Variants in TSPAN18 observed in about 807,000 individuals in gnomAD.
TSPAN18 encodes tetraspanin-18.
TSPAN18 carries 14 observed loss-of-function variants against 27.3 expected under a neutral mutation model. The ratio of observed to expected loss-of-function variants is 0.51; its 90% CI spans 0.34 to 0.80. The LOEUF is 0.80. Ranked by LOEUF, TSPAN18 falls within the 30% of genes least tolerant of loss-of-function variation. TSPAN18 has a pLI of 0.01. For missense variants in TSPAN18, 268 were observed against 323.9 expected (o/e 0.83, Z 1.32); for synonymous variants, 143 against 136.5 (o/e 1.05, Z -0.33).
intron 2 of TSPAN18, among the ~76,000 whole-genome samples, chr11:44,805,756 G>T (rs1050581376): frequency 3.9e-5 from 6 of 152,178 alleles, no homozygotes; most frequent in Admixed American, 3.9e-4. Flanking sequence ...GGCCTCGAGG[G>T]AAGAATCTCT....
At chr11:44,867,387 A>ATTTT (rs1858066710) in intron 3 of TSPAN18, among the ~76,000 whole-genome samples, 4 of 72,222 alleles carry the variant, frequency 5.5e-5, no homozygotes, top group Non-Finnish European at 8.5e-5. Context: ...TGGTTTATGA[A>ATTTT]TCTTTTTTTT....
At chr11:44,792,822 GGA>G (rs1856259576) in intron 2 of TSPAN18, among the ~76,000 whole-genome samples, 1 of 152,200 alleles carries the variant, frequency 6.6e-6, no homozygotes, top group Non-Finnish European at 1.5e-5. Flanking sequence ...CCAAGAGGTG[GGA>G]GAGAGTGTGG....
intron 1 of TSPAN18, among the ~76,000 whole-genome samples, chr11:44,762,250 A>T (rs1428819329): frequency 1.3e-5 from 2 of 152,204 alleles, no homozygotes; most frequent in Non-Finnish European, 2.9e-5. Flanking sequence ...GAAATAAACA[A>T]ATGGTAAATA....
In TSPAN18 at chr11:44,897,894, A is replaced by T. The variant is rs1045448572; in HGVS notation, c.-10-8513A>T. ...CTGCCCCATCACCTGACACGGTCCC[A>T]TCTCCACTCTGATCCTTTCCAATCT... On this transcript the variant is annotated intron_variant, in intron 3 of 9. Transcript: ENST00000520358. The T allele has an allele frequency of 3.1e-6, 4 of 1,279,328 alleles. No homozygotes were observed. The African/African-American group carries it at 6.1e-5, about 20-fold the overall frequency. 79.2% of individuals were successfully genotyped at this position (1,279,328 alleles called of 1,614,324 possible).
chr11:44,869,239 G>A (rs1048120558), intron 3 of TSPAN18, among the ~76,000 whole-genome samples: 9 of 152,152 alleles, frequency 5.9e-5, no homozygotes, highest in African/African-American at 1.9e-4. Flanking sequence ...TACCTGTAGC[G>A]ATGGGGAGCT....
At chr11:44,773,642 T>C (rs550585081) in intron 2 of TSPAN18, among the ~76,000 whole-genome samples, 37 of 152,240 alleles carry the variant, frequency 2.4e-4, no homozygotes, top group African/African-American at 8.9e-4. Context: ...ACTGCCCCGC[T>C]CTTGGCATGC....
intron 2 of TSPAN18, among the ~76,000 whole-genome samples, chr11:44,793,703 C>T (rs142035056): frequency 0.015 from 2,284 of 152,210 alleles, 63 homozygotes; most frequent in African/African-American, 0.052. Flanking sequence ...ACTGGGCGAC[C>T]CCAAGGCCTG....
In TSPAN18 at chr11:44,899,572, T is replaced by A. The variant is rs184803962; in HGVS notation, c.-10-6835T>A. On this transcript the variant is annotated intron_variant, in intron 3 of 9. Coordinates refer to ENST00000520358, the MANE Select transcript of TSPAN18 (RefSeq NM_130783.5). ...AGGAGAGCAGCTGGGAGGAGCCACC[T>A]TGTGGCGGGGCAGGAGGGAGGAACA... Among the ~76,000 whole-genome samples, 96 of 152,290 alleles carry A rather than the reference T, an allele frequency of 6.3e-4. 1 individual carries two copies. Among genetic ancestry groups the A allele is most frequent in the African/African-American group, 2.3e-3 (94 of 41,558 alleles).
chr11:44,778,264 GGCAAATAGTA>G lies in TSPAN18; in HGVS notation c.-153+13755_-153+13764del, dbSNP rs565089296. Among the ~76,000 whole-genome samples the G allele has an allele frequency of 1.5e-4, 23 of 152,198 alleles. No individual in the cohort carries two copies. The South Asian group carries it at 4.6e-3, about 30-fold the overall frequency. Reference sequence around the variant, plus strand: ...CACCTCTTGTTTAAGGGCCTGAGTTGGCAAATAGTAGCCTCTTATGGGGAGAGGGGAGTTT... The same window carrying G: ...CACCTCTTGTTTAAGGGCCTGAGTTGGCCTCTTATGGGGAGAGGGGAGTTT... On this transcript the variant is annotated intron_variant, in intron 2 of 9. Coordinates refer to ENST00000520358, the MANE Select transcript of TSPAN18 (RefSeq NM_130783.5).
chr11:44,880,100 G>A (rs1293402014), intron 3 of TSPAN18, among the ~76,000 whole-genome samples: 2 of 152,200 alleles, frequency 1.3e-5, no homozygotes, highest in Admixed American at 1.3e-4. Flanking sequence ...TCCATCCTGG[G>A]CCTCCATTAC....
intron 3 of TSPAN18, among the ~76,000 whole-genome samples, chr11:44,882,813 A>ACCCAGACC (rs899680108): frequency 6.6e-6 from 1 of 151,826 alleles, no homozygotes; most frequent in African/African-American, 2.4e-5. Flanking sequence ...CTGAACTTAA[A>ACCCAGACC]CCCAGACCCC....
At chr11:44,733,433 C>G (rs1854712826) in intron 1 of TSPAN18, among the ~76,000 whole-genome samples, 1 of 152,232 alleles carries the variant, frequency 6.6e-6, no homozygotes, top group East Asian at 1.9e-4. Flanking sequence ...GGCAAGGGCA[C>G]TATAAGCCAG....
intron 2 of TSPAN18, among the ~76,000 whole-genome samples, chr11:44,849,921 T>C (rs1857561556): frequency 6.6e-6 from 1 of 152,140 alleles, no homozygotes; most frequent in Non-Finnish European, 1.5e-5. Context: ...TGAGCATCAG[T>C]TGGGTGGGGG....
chr11:44,885,255 C>G (rs1275237605), intron 3 of TSPAN18, among the ~76,000 whole-genome samples: 3 of 152,240 alleles, frequency 2.0e-5, no homozygotes, highest in Non-Finnish European at 2.9e-5. Context: ...TCCTGCCCAG[C>G]TCCCATGAGG....
chr11:44,911,411 C>A (rs1859707956), intron 5 of TSPAN18, among the ~76,000 whole-genome samples: 1 of 152,124 alleles, frequency 6.6e-6, no homozygotes, highest in African/African-American at 2.4e-5. Context: ...AAGTCAGCTG[C>A]GAAATGAGTG....
chr11:44,843,390 A>T (rs146615864), intron 2 of TSPAN18, among the ~76,000 whole-genome samples: 4,306 of 152,306 alleles, frequency 0.028, 195 homozygotes, highest in African/African-American at 0.096. Flanking sequence ...GGTCACAGAC[A>T]TCAAGTATTT....
chr11:44,731,633 TGAGA>T (rs1554976096), intron 1 of TSPAN18, among the ~76,000 whole-genome samples: 7 of 107,384 alleles, frequency 6.5e-5, no homozygotes, highest in African/African-American at 2.5e-4. Context: ...TGTGTGTGTG[TGAGA>T]GAGAGAGAGA....
intron 5 of TSPAN18, among the ~76,000 whole-genome samples, chr11:44,912,239 C>G (rs895862760): frequency 1.3e-5 from 2 of 152,116 alleles, no homozygotes; most frequent in African/African-American, 4.8e-5. Context: ...TCAGGCTGGT[C>G]TTGAACTCCT....
At chr11:44,862,039 T>TG (rs1331982117) in intron 3 of TSPAN18, among the ~76,000 whole-genome samples, 1 of 152,102 alleles carries the variant, frequency 6.6e-6, no homozygotes, top group Non-Finnish European at 1.5e-5. Context: ...CCTTCATGGC[T>TG]GAGGGGAGTT....
Sources: gnomAD v4.1 joint callset for allele counts (sites outside exome capture counted in the v4.1 genomes callset) on GRCh38, gnomAD v4.1.1 for gene constraint, MANE v1.5 for transcripts, NCBI Gene and HGNC (gene_info 2026-07-23, HGNC 2026-07-21) for gene names.